The following MED12L variants were observed in gnomAD, a reference collection of about 807,000 sequenced individuals.
MED12L encodes mediator of RNA polymerase II transcription subunit 12-like protein.
In MED12L, 60 loss-of-function variants were observed where a neutral mutation model predicts 281.3. The ratio of observed to expected loss-of-function variants is 0.21; its 90% CI spans 0.17 to 0.26. The LOEUF (loss-of-function observed/expected upper bound fraction) is 0.26. Ranked by LOEUF, MED12L falls within the 10% of genes least tolerant of loss-of-function variation. The pLI is 1.00. For missense variants in MED12L, 2,146 were observed against 2,680.9 expected (o/e 0.80, Z 4.41); for synonymous variants, 974 against 987.2 (o/e 0.99, Z 0.25).
intron 16 of MED12L, among the ~76,000 whole-genome samples, chr3:151,336,328 G>A (rs1291015836): frequency 1.3e-5 from 2 of 152,144 alleles, no homozygotes; most frequent in African/African-American, 4.8e-5. Context: ...AGTGGTGCCG[G>A]AGAAAGAAAT....
intron 39 of MED12L, among the ~76,000 whole-genome samples, chr3:151,403,831 T>C (rs1220749298): frequency 6.6e-6 from 1 of 152,220 alleles, no homozygotes; most frequent in Non-Finnish European, 1.5e-5. Flanking sequence ...ATATTTAGGT[T>C]ATTTAATACT....
intron 5 of MED12L, among the ~76,000 whole-genome samples, chr3:151,130,613 G>A (rs1364715894): frequency 2.0e-5 from 3 of 152,132 alleles, no homozygotes; most frequent in African/African-American, 7.2e-5. Flanking sequence ...ACTCAGCGAC[G>A]CCAGCGACCT....
intron 39 of MED12L, among the ~76,000 whole-genome samples, chr3:151,397,711 C>G (rs1311145111): frequency 6.6e-6 from 1 of 152,176 alleles, no homozygotes; most frequent in Non-Finnish European, 1.5e-5. Context: ...AAGATTTTCT[C>G]AGGTTACTCA....
chr3:151,183,189 C>T (rs1722903154), intron 11 of MED12L, among the ~76,000 whole-genome samples: 1 of 152,184 alleles, frequency 6.6e-6, no homozygotes, highest in Non-Finnish European at 1.5e-5. Context: ...CTGTAGTCCT[C>T]TCTCTGGATA....
Position 151,132,566 on chromosome 3 carries a change from G to A in MED12L, c.556+4582G>A, listed in dbSNP as rs1049129828. 3.3e-5 allele frequency among the ~76,000 whole-genome samples: 5 copies of A among 152,062 alleles called. No individual in the cohort carries two copies. The East Asian group carries it at 7.7e-4, about 23-fold the overall frequency. On this transcript the variant is annotated intron_variant, in intron 5 of 44. Transcript: ENST00000687756. ...GTATCATATCCCAATACTGATGGTG[G>A]TAACTTTGATGATTTGGGTAAGGTG...
chr3:151,319,249 A>G (rs1443816201), intron 16 of MED12L, among the ~76,000 whole-genome samples: 1 of 152,200 alleles, frequency 6.6e-6, no homozygotes, highest in Non-Finnish European at 1.5e-5. Context: ...TATTGTTCAC[A>G]TAATCGAAAG....
chr3:151,399,334 C>G (rs865922835), intron 39 of MED12L, among the ~76,000 whole-genome samples: 2 of 152,168 alleles, frequency 1.3e-5, no homozygotes, highest in South Asian at 2.1e-4. Context: ...AAAAGAAATT[C>G]ATTTCCCATA....
chr3:151,130,592 C>T (rs1318913738), intron 5 of MED12L, among the ~76,000 whole-genome samples: 1 of 152,220 alleles, frequency 6.6e-6, no homozygotes, highest in Non-Finnish European at 1.5e-5. Flanking sequence ...TTGTCCCACT[C>T]AGATTGTGTA....
chr3:151,112,365 C>A (rs1408201876), intron 2 of MED12L, among the ~76,000 whole-genome samples: 1 of 151,920 alleles, frequency 6.6e-6, no homozygotes, highest in Non-Finnish European at 1.5e-5. Flanking sequence ...TCTGCAACCT[C>A]CACCTCTCGG....
chr3:151,331,786 T>G (rs985916230), intron 16 of MED12L, among the ~76,000 whole-genome samples: 1 of 152,190 alleles, frequency 6.6e-6, no homozygotes, highest in Non-Finnish European at 1.5e-5. Flanking sequence ...TCTTATTTAA[T>G]CCTTAACAAT....
chr3:151,222,579 T>TC (rs1729584098), intron 16 of MED12L, among the ~76,000 whole-genome samples: 1 of 152,222 alleles, frequency 6.6e-6, no homozygotes, highest in Non-Finnish European at 1.5e-5. Context: ...TCTTCTCTTG[T>TC]CTGCCACCAT....
chr3:151,344,336 G>C (rs1412086564), intron 16 of MED12L, among the ~76,000 whole-genome samples: 2 of 151,188 alleles, frequency 1.3e-5, no homozygotes, highest in African/African-American at 4.9e-5. Flanking sequence ...CTTCATTCCT[G>C]TAACAGTTTC....
At chr3:151,185,541 T>G (rs978283798) in intron 12 of MED12L, 80 bp downstream of exon 12, 2 of 1,445,164 alleles carry the variant, frequency 1.4e-6, no homozygotes, top group African/African-American at 2.8e-5. Context: ...TCTCTTACCC[T>G]CATTATGTTA....
At chr3:151,113,557 G>GGA (rs1167992312) in intron 2 of MED12L, among the ~76,000 whole-genome samples, 1 of 152,242 alleles carries the variant, frequency 6.6e-6, no homozygotes, top group African/African-American at 2.4e-5. Flanking sequence ...AGACCAGTTA[G>GGA]GAGACATTGC....
chr3:151,223,638 G>T (rs4679770), intron 16 of MED12L, among the ~76,000 whole-genome samples: 83,575 of 151,940 alleles, frequency 0.55, 23,313 homozygotes, highest in African/African-American at 0.64. Context: ...CTAAACATTG[G>T]ATACACATGG....
intron 25 of MED12L, 105 bp from the exon 26 acceptor site, chr3:151,369,331 A>G: frequency 3.0e-6 from 2 of 671,852 alleles, no homozygotes; most frequent in Non-Finnish European, 5.0e-6. Flanking sequence ...GCTAATGGCA[A>G]TTAAGCACCC....
At chr3:151,206,274 C>A (rs1228479131) in intron 16 of MED12L, among the ~76,000 whole-genome samples, 1 of 149,464 alleles carries the variant, frequency 6.7e-6, no homozygotes, top group Non-Finnish European at 1.5e-5. Context: ...GTTTTTTTTT[C>A]TTTACTGAAA....
At chr3:151,320,357 C>T (rs545954872) in intron 16 of MED12L, among the ~76,000 whole-genome samples, 6 of 152,216 alleles carry the variant, frequency 3.9e-5, no homozygotes. Context: ...TCTTGAATGC[C>T]CGTGTTGGTC....
intron 17 of MED12L, 28 bp downstream of exon 17, chr3:151,350,234 A>T (rs374735811): frequency 1.2e-6 from 2 of 1,606,970 alleles, no homozygotes; most frequent in East Asian, 2.2e-5. Context: ...ATTTGCTCCC[A>T]TTGTGTTGCC....
Sources: gnomAD v4.1 joint callset for allele counts (sites outside exome capture counted in the v4.1 genomes callset) on GRCh38, gnomAD v4.1.1 for gene constraint, MANE v1.5 for transcripts, NCBI Gene and HGNC (gene_info 2026-07-23, HGNC 2026-07-21) for gene names.